Variants in CADPS2 observed in about 807,000 individuals in gnomAD.
CADPS2 encodes calcium-dependent secretion activator 2.
In CADPS2, 93 loss-of-function variants were observed where a neutral mutation model predicts 172.5. That is an observed-to-expected ratio of 0.54 (90% CI 0.46 to 0.64). The LOEUF (loss-of-function observed/expected upper bound fraction) is 0.64. Ranked by LOEUF, CADPS2 falls within the 30% of genes least tolerant of loss-of-function variation. The probability of loss-of-function intolerance (pLI) is 0.00; values close to 1 mark genes in which losing one functional copy is unlikely to be tolerated. For synonymous variants in CADPS2, 546 were observed against 555.2 expected (o/e 0.98, Z 0.23); for missense variants, 1,420 against 1,565.9 (o/e 0.91, Z 1.57).
At chr7:122,400,421 G>T (rs974069123) in intron 20 of CADPS2, among the ~76,000 whole-genome samples, 2 of 151,758 alleles carry the variant, frequency 1.3e-5, no homozygotes, top group Non-Finnish European at 2.9e-5. Flanking sequence ...TGGGCAATAA[G>T]AGCGAAACTC....
intron 12 of CADPS2, chr7:122,480,034 T>C: frequency 2.2e-6 from 1 of 463,198 alleles, no homozygotes; most frequent in Non-Finnish European, 4.5e-6. Context: ...CACTGCATTT[T>C]GGTTGGAGAG....
intron 1 of CADPS2, among the ~76,000 whole-genome samples, chr7:122,754,160 G>A (rs529227996): frequency 1.3e-5 from 2 of 152,138 alleles, no homozygotes; most frequent in African/African-American, 2.4e-5. Context: ...AGTTTTCATT[G>A]CAATTAATTT....
At chr7:122,477,929 C>G (rs2056892445) in intron 12 of CADPS2, among the ~76,000 whole-genome samples, 1 of 152,144 alleles carries the variant, frequency 6.6e-6, no homozygotes, top group South Asian at 2.1e-4. Context: ...CCACATCTCC[C>G]CATTTCCTCC....
chr7:122,745,315 A>G (rs1411863343), intron 1 of CADPS2, among the ~76,000 whole-genome samples: 2 of 151,916 alleles, frequency 1.3e-5, no homozygotes, highest in Non-Finnish European at 2.9e-5. Context: ...AAAATTCTCT[A>G]TATTTGTTAC....
At chr7:122,376,693 TG>T (rs1208661262) in intron 25 of CADPS2, among the ~76,000 whole-genome samples, 1 of 152,140 alleles carries the variant, frequency 6.6e-6, no homozygotes, top group Non-Finnish European at 1.5e-5. Context: ...CTAAGAGGAT[TG>T]ATCTTATGTG....
intron 1 of CADPS2, among the ~76,000 whole-genome samples, chr7:122,745,953 A>G (rs1390513545): frequency 6.6e-6 from 1 of 152,110 alleles, no homozygotes; most frequent in Non-Finnish European, 1.5e-5. Flanking sequence ...AAGTCAGACT[A>G]CTTCTGTTTT....
chr7:122,632,272 A>G (rs1563911393), intron 3 of CADPS2, among the ~76,000 whole-genome samples: 1 of 152,170 alleles, frequency 6.6e-6, no homozygotes, highest in South Asian at 2.1e-4. Flanking sequence ...TTCTTTGAGA[A>G]ATCTTTAAAC....
intron 1 of CADPS2, among the ~76,000 whole-genome samples, chr7:122,824,615 A>C (rs886788740): frequency 6.6e-6 from 1 of 152,198 alleles, no homozygotes; most frequent in Non-Finnish European, 1.5e-5. Context: ...AGTTCTTTAC[A>C]AATAAATACT....
At chr7:122,630,984 C>A (rs1028203359) in intron 3 of CADPS2, among the ~76,000 whole-genome samples, 2 of 152,076 alleles carry the variant, frequency 1.3e-5, no homozygotes, top group Non-Finnish European at 2.9e-5. Context: ...AAACAAGTTT[C>A]TCTTCACTGT....
intron 2 of CADPS2, among the ~76,000 whole-genome samples, chr7:122,710,383 A>G (rs1009602621): frequency 2.0e-5 from 3 of 152,146 alleles, no homozygotes; most frequent in African/African-American, 7.2e-5. Context: ...TAGCAGAAAC[A>G]GTGAACAGTG....
chr7:122,759,940 AT>A (rs1310917969), intron 1 of CADPS2, among the ~76,000 whole-genome samples: 2 of 151,906 alleles, frequency 1.3e-5, no homozygotes, highest in African/African-American at 4.8e-5. Context: ...CTTTAAACTA[AT>A]TCAGTCACAA....
At chr7:122,706,515 T>A (rs2087530194) in intron 2 of CADPS2, among the ~76,000 whole-genome samples, 1 of 147,152 alleles carries the variant, frequency 6.8e-6, no homozygotes, top group Non-Finnish European at 1.5e-5. Context: ...CTGAAACATA[T>A]TACTAGGGTT....
intron 1 of CADPS2, among the ~76,000 whole-genome samples, chr7:122,816,631 T>C (rs1384325510): frequency 1.3e-5 from 2 of 152,250 alleles, no homozygotes; most frequent in Non-Finnish European, 2.9e-5. Context: ...AATAGCTTTG[T>C]GAATGTACAT....
intron 2 of CADPS2, among the ~76,000 whole-genome samples, chr7:122,706,036 A>G (rs1400702250): frequency 4.9e-5 from 5 of 101,658 alleles, no homozygotes; most frequent in Non-Finnish European, 8.9e-5. Context: ...AATATATATT[A>G]TATATTCAAG....
intron 11 of CADPS2, among the ~76,000 whole-genome samples, chr7:122,488,863 C>T (rs1453347580): frequency 6.6e-6 from 1 of 152,170 alleles, no homozygotes; most frequent in African/African-American, 2.4e-5. Context: ...TAAAGTTACA[C>T]TTCTGTACAC....
intron 5 of CADPS2, among the ~76,000 whole-genome samples, chr7:122,617,965 C>A (rs2133922046): frequency 6.6e-6 from 1 of 152,134 alleles, no homozygotes; most frequent in South Asian, 2.1e-4. Context: ...ATGGTGTTAA[C>A]CTGGGAGGCG....
intron 11 of CADPS2, among the ~76,000 whole-genome samples, chr7:122,481,118 C>T (rs2152260897): frequency 6.6e-6 from 1 of 150,554 alleles, no homozygotes; most frequent in South Asian, 2.1e-4. Context: ...AGTTCAGGGT[C>T]ACTACCCTCA....
At chr7:122,777,740 A>G (rs543885465) in intron 1 of CADPS2, among the ~76,000 whole-genome samples, 63 of 152,094 alleles carry the variant, frequency 4.1e-4, no homozygotes, top group African/African-American at 1.4e-3. Context: ...GAAGAAGAGC[A>G]TGTTTGTTCC....
At chr7:122,715,872 A>T (rs994875048) in intron 2 of CADPS2, among the ~76,000 whole-genome samples, 3 of 152,072 alleles carry the variant, frequency 2.0e-5, no homozygotes, top group Admixed American at 1.3e-4. Flanking sequence ...GCTCCTCTAG[A>T]TTTTACTAAG....
Sources: allele counts gnomAD v4.1 joint callset (sites outside exome capture counted in the v4.1 genomes callset), GRCh38; gene constraint gnomAD v4.1.1; transcripts MANE v1.5; gene names NCBI Gene and HGNC (gene_info 2026-07-23, HGNC 2026-07-21).